ARID1A: variants seen among roughly 807,000 people sequenced by gnomAD.
ARID1A encodes AT-rich interaction domain 1A.
A neutral mutation model predicts 212.6 loss-of-function variants in ARID1A; 20 were observed. The observed-to-expected ratio is 0.09, with a 90% CI of 0.07 to 0.14. The LOEUF (loss-of-function observed/expected upper bound fraction) is 0.14, where lower values mean the gene tolerates loss of function less well. Among genes scored for constraint, ARID1A ranks in the 10% least tolerant of loss-of-function variants. ARID1A has a pLI of 1.00. For synonymous variants in ARID1A, 1,376 were observed against 1,222.1 expected, an observed-to-expected ratio of 1.13 and a Z score of -2.63; for missense variants, 2,587 against 3,059.0, an observed-to-expected ratio of 0.85 and a Z score of 3.64.
chr1:26,754,356 C>T (rs1472404102), intron 4 of ARID1A, among the ~76,000 whole-genome samples: 2 of 152,204 alleles, frequency 1.3e-5, no homozygotes, highest in Non-Finnish European at 2.9e-5. Flanking sequence ...CACTCCCTCC[C>T]ATTTCCCAAT....
rs1301827326 is a variant in ARID1A at position 26,781,898 on chromosome 1, T to G, written c.*1142T>G. The G allele has an allele frequency of 4.3e-6, 1 of 233,578 alleles. No individual in the cohort carries two copies. Among genetic ancestry groups the G allele is most frequent in the Non-Finnish European group, 8.5e-6 (1 of 118,052 alleles). 14.5% of individuals were successfully genotyped at this position (233,578 alleles called of 1,614,324 possible). A position where few individuals can be genotyped will look rare whatever the true frequency, so the allele number is the denominator to read the frequency against. The stretch of plus-strand genomic sequence containing the variant: ...AATCGAGGTGTGAAAAAGTTCTAGG[T>G]TCAGTTGAAGTTCTGATGAAGAAAC... On this transcript the variant is annotated 3_prime_UTR_variant, in exon 20 of 20. Coordinates refer to ENST00000324856, the MANE Select transcript of ARID1A (RefSeq NM_006015.6).
At chr1:26,740,008 A>G (rs2080773272) in intron 4 of ARID1A, among the ~76,000 whole-genome samples, 1 of 152,084 alleles carries the variant, frequency 6.6e-6, no homozygotes, top group Admixed American at 6.5e-5. Flanking sequence ...AAAAAAAGAA[A>G]AAAAAAACCT....
At chr1:26,716,649 G>C (rs577968696) in intron 1 of ARID1A, among the ~76,000 whole-genome samples, 2 of 152,112 alleles carry the variant, frequency 1.3e-5, no homozygotes, top group Admixed American at 6.5e-5. Context: ...GTTTTACGGG[G>C]AGATGGAGTC....
chr1:26,747,501 A>G (rs1244933621), intron 4 of ARID1A, among the ~76,000 whole-genome samples: 2 of 151,990 alleles, frequency 1.3e-5, no homozygotes, highest in Non-Finnish European at 2.9e-5. Context: ...GGTGGAGGTA[A>G]TTTTTCCTGA....
chr1:26,770,513 T>TTTG (rs2081074158), intron 11 of ARID1A: 1 of 152,228 alleles, frequency 6.6e-6, no homozygotes, highest in East Asian at 1.9e-4. Context: ...ATCCCAACAC[T>TTTG]TTGGGAGGCT....
chr1:26,772,574 A>C lies in ARID1A; in HGVS notation c.3481A>C (p.Lys1161Gln). The change falls in exon 13 of 20, where the codon AAG (lysine) becomes CAG (glutamine). Residue 1161 changes from lysine to glutamine, a missense_variant. Lys to Gln is a moderately conservative substitution (Grantham distance 53). This residue lies in a region of ARID1A where 890 missense variants were observed against 1,098.2 expected (regional missense o/e 0.81). Coordinates refer to ENST00000324856, the MANE Select transcript of ARID1A (RefSeq NM_006015.6). ...TTCCATGGCAGAAGGAGGAGACTTA[A>C]AGCCACCAACTCCAGCATCCACACC... Reference protein sequence around the residue: ...SSSMAEGGDLKPPTPASTPHS... With the variant: ...SSSMAEGGDLQPPTPASTPHS... 1.2e-6 allele frequency: 2 copies of C among 1,614,182 alleles called. No individual in the cohort carries two copies. The highest frequency in any genetic ancestry group is 1.7e-6 in the Non-Finnish European group (2 of 1,180,026).
intron 4 of ARID1A, among the ~76,000 whole-genome samples, chr1:26,754,495 A>AGGG (rs1273432836): frequency 1.3e-5 from 2 of 152,256 alleles, no homozygotes; most frequent in Admixed American, 6.5e-5. Context: ...ATATGGTGCT[A>AGGG]GGGGGGATTC....
rs2081122858 is a variant in ARID1A, at chr1:26,775,159, C to T, written c.4932C>T (p.Gly1644=). 6.2e-7 allele frequency: 1 copy of T among 1,612,724 alleles called. No homozygotes were observed. The highest frequency in any genetic ancestry group is 1.3e-5 in the African/African-American group (1 of 74,842). The change falls in exon 18 of 20, where the codon GGC becomes GGT. Residue 1644 remains glycine, a synonymous_variant. Coordinates refer to ENST00000324856, the MANE Select transcript of ARID1A (RefSeq NM_006015.6). ...MIRRDITFPP[G]SVEATQPVLK... ...GGCGGGATATCACCTTCCCACCTGG[C>T]TCTGTTGAAGCCACACAGCCTGTGT...
rs541742533 is a variant in ARID1A, at chr1:26,756,293, T to C, written c.1921-4563T>C. ...CCGGGGGGCCAGGCGTGGTGGCTCA[T>C]GCCTGTAATACCGGCATTTTGGGAG... On this transcript the variant is annotated intron_variant, in intron 4 of 19. Transcript: ENST00000324856. 1.0e-3 allele frequency among the ~76,000 whole-genome samples: 153 copies of C among 152,126 alleles called. 1 individual carries two copies. Among genetic ancestry groups the C allele is most frequent in the Non-Finnish European group, 1.3e-4 (9 of 67,988 alleles).
At chr1:26,728,534 G>C (rs2080641157) in intron 1 of ARID1A, among the ~76,000 whole-genome samples, 1 of 152,176 alleles carries the variant, frequency 6.6e-6, no homozygotes, top group Non-Finnish European at 1.5e-5. Flanking sequence ...TGGGAGGTGG[G>C]TTCTAGCAGT....
intron 1 of ARID1A, among the ~76,000 whole-genome samples, chr1:26,699,200 A>G (rs1193305690): frequency 1.3e-5 from 2 of 152,234 alleles, no homozygotes; most frequent in Non-Finnish European, 2.9e-5. Flanking sequence ...CAAGATATGA[A>G]GATACGACCT....
At chr1:26,705,597 G>T (rs865926663) in intron 1 of ARID1A, among the ~76,000 whole-genome samples, 1 of 152,194 alleles carries the variant, frequency 6.6e-6, no homozygotes, top group African/African-American at 2.4e-5. Context: ...TCAGAATTGG[G>T]CACCATAGTT....
At chr1:26,741,591 T>TG (rs1276702757) in intron 4 of ARID1A, among the ~76,000 whole-genome samples, 1 of 152,110 alleles carries the variant, frequency 6.6e-6, no homozygotes, top group Non-Finnish European at 1.5e-5. Context: ...ATCAAAGGCA[T>TG]CCACTGGATT....
chr1:26,770,354 A>G (rs1048905200), intron 11 of ARID1A: 1 of 152,202 alleles, frequency 6.6e-6, no homozygotes, highest in African/African-American at 2.4e-5. Context: ...CACCCCAAGA[A>G]AAAAATATGA....
rs2124788072 is a variant in ARID1A, at chr1:26,731,206, C to T, written c.1405C>T (p.Pro469Ser). ...PSGYGQQGQT[P>S]YYNQQSPHPQ... ...CGGGTATGGTCAACAGGGCCAGACTCCATATTACAACCAGCAAAGTCCTCA... is the reference window on the plus strand; with the variant it reads ...CGGGTATGGTCAACAGGGCCAGACTTCATATTACAACCAGCAAAGTCCTCA... Residue 469 changes from proline (P) to serine (S), a missense_variant, in exon 3 of 20, where the codon CCA (proline) becomes TCA (serine). Physicochemically the swap from Pro to Ser is moderately conservative, Grantham distance 74 (BLOSUM62 -1). Transcript: ENST00000324856. 2 of 1,614,088 alleles carry T rather than the reference C, an allele frequency of 1.2e-6. No homozygotes were observed. Among genetic ancestry groups the T allele is most frequent in the Non-Finnish European group, 8.5e-7 (1 of 1,180,014 alleles).
intron 6 of ARID1A, 46 bp from the exon 7 acceptor site, chr1:26,762,106 C>A (rs767585532): frequency 6.6e-7 from 1 of 1,521,340 alleles, no homozygotes; most frequent in Non-Finnish European, 8.9e-7. Context: ...AGCATTTGTT[C>A]GCATTGTATA....
chr1:26,745,992 G>A lies in ARID1A; in HGVS notation c.1920+13200G>A, dbSNP rs540345844. The stretch of plus-strand genomic sequence containing the variant: ...CTTGAACCTGGGAGGCGGAGGTTGC[G>A]GTGAGTCAAGATTGTGCCACTGCAC... On this transcript the variant is annotated intron_variant, in intron 4 of 19. Coordinates refer to ENST00000324856, the MANE Select transcript of ARID1A (RefSeq NM_006015.6). Among the ~76,000 whole-genome samples, 10 of 152,094 alleles carry A rather than the reference G, an allele frequency of 6.6e-5. 1 individual carries two copies. The highest frequency in any genetic ancestry group is 4.2e-4 in the South Asian group (2 of 4,802).
At chr1:26,769,454 A>G (rs1415099208) in intron 11 of ARID1A, 2 of 152,268 alleles carry the variant, frequency 1.3e-5, no homozygotes, top group African/African-American at 2.4e-5. Context: ...AGTAGGGTTT[A>G]GGTGGAAGAG....
At chr1:26,711,524 C>G (rs748801051) in intron 1 of ARID1A, among the ~76,000 whole-genome samples, 2 of 152,084 alleles carry the variant, frequency 1.3e-5, no homozygotes, top group African/African-American at 2.4e-5. Context: ...TTAATAATAC[C>G]GTAACGTTGG....
Sources: allele counts gnomAD v4.1 joint callset (sites outside exome capture counted in the v4.1 genomes callset), GRCh38; gene constraint gnomAD v4.1.1; regional missense constraint gnomAD v4.1.1; transcripts MANE v1.5; gene names NCBI Gene and HGNC (gene_info 2026-07-23, HGNC 2026-07-21).